The following ASTN2 variants were observed in gnomAD, a reference collection of about 807,000 sequenced individuals.
ASTN2 encodes the protein astrotactin-2.
In ASTN2, 54 loss-of-function variants were observed where a neutral mutation model predicts 139.8. The ratio of observed to expected loss-of-function variants is 0.39; its 90% CI spans 0.31 to 0.48. The LOEUF (loss-of-function observed/expected upper bound fraction) is 0.48. ASTN2 is among the 20% of genes least tolerant of loss of function. The pLI is 0.95. For synonymous variants in ASTN2, 756 were observed against 719.5 expected, an observed-to-expected ratio of 1.05 and a Z score of -0.81; for missense variants, 1,565 against 1,725.1, an observed-to-expected ratio of 0.91 and a Z score of 1.64.
chr9:116,565,447 A>G (rs1853182594), intron 19 of ASTN2, among the ~76,000 whole-genome samples: 1 of 105,038 alleles, frequency 9.5e-6, no homozygotes, highest in Non-Finnish European at 1.9e-5. Flanking sequence ...ATTTATTTTG[A>G]GACAGTGTCT....
At chr9:117,228,726 G>C (rs1832792996) in intron 2 of ASTN2, among the ~76,000 whole-genome samples, 1 of 152,016 alleles carries the variant, frequency 6.6e-6, no homozygotes, top group Non-Finnish European at 1.5e-5. Flanking sequence ...TAAAGACGTG[G>C]AGTTCAGGCC....
chr9:116,922,686 T>G (rs926975500), intron 10 of ASTN2, among the ~76,000 whole-genome samples: 1 of 152,000 alleles, frequency 6.6e-6, no homozygotes, highest in Non-Finnish European at 1.5e-5. Flanking sequence ...TGAATTGATA[T>G]GGAGACATCT....
At chr9:117,056,681 G>A (rs1167296558) in intron 5 of ASTN2, among the ~76,000 whole-genome samples, 1 of 152,188 alleles carries the variant, frequency 6.6e-6, no homozygotes, top group Admixed American at 6.5e-5. Flanking sequence ...CTTTACCAAG[G>A]CACCTCTCCC....
chr9:116,735,495 A>G (rs1828903600), intron 13 of ASTN2, among the ~76,000 whole-genome samples: 1 of 152,184 alleles, frequency 6.6e-6, no homozygotes, highest in Non-Finnish European at 1.5e-5. Flanking sequence ...TGCCCTAGTC[A>G]TTCAACCAGC....
chr9:116,520,765 C>CA (rs1317018691), intron 19 of ASTN2, among the ~76,000 whole-genome samples: 1 of 152,028 alleles, frequency 6.6e-6, no homozygotes, highest in Non-Finnish European at 1.5e-5. Context: ...AAGACTCATC[C>CA]AAAAAGCTCC....
chr9:117,062,666 C>T (rs1465247952), intron 5 of ASTN2, among the ~76,000 whole-genome samples: 1 of 152,114 alleles, frequency 6.6e-6, no homozygotes, highest in African/African-American at 2.4e-5. Context: ...GGTGCTGATG[C>T]CTTCAGAGCA....
At chr9:116,532,674 A>T (rs1224952295) in intron 19 of ASTN2, among the ~76,000 whole-genome samples, 2 of 151,960 alleles carry the variant, frequency 1.3e-5, no homozygotes, top group Admixed American at 6.5e-5. Context: ...ATAGTTGTAG[A>T]TGTGTGGTAT....
At chr9:116,449,210 A>T (rs979945684) in intron 20 of ASTN2, among the ~76,000 whole-genome samples, 1 of 152,156 alleles carries the variant, frequency 6.6e-6, no homozygotes, top group Non-Finnish European at 1.5e-5. Flanking sequence ...GTTCAAAACC[A>T]GTCTGGGCAA....
intron 10 of ASTN2, among the ~76,000 whole-genome samples, chr9:116,967,573 T>G (rs538665086): frequency 4.7e-4 from 71 of 152,326 alleles, no homozygotes; most frequent in Middle Eastern, 3.4e-3. Flanking sequence ...CTAGGTTGCC[T>G]ACAATGTGTG....
intron 1 of ASTN2, among the ~76,000 whole-genome samples, chr9:117,394,797 T>C (rs980302753): frequency 1.3e-5 from 2 of 151,714 alleles, no homozygotes; most frequent in African/African-American, 4.8e-5. Flanking sequence ...GCGGGTTGGG[T>C]CCTTATGCAG....
intron 19 of ASTN2, among the ~76,000 whole-genome samples, chr9:116,499,646 C>T (rs1849789739): frequency 6.6e-6 from 1 of 152,160 alleles, no homozygotes; most frequent in Admixed American, 6.6e-5. Flanking sequence ...AGTGCCTAGG[C>T]TTATGCAGAA....
chr9:116,910,253 A>G (rs1015138881), intron 10 of ASTN2, among the ~76,000 whole-genome samples: 3 of 152,240 alleles, frequency 2.0e-5, no homozygotes, highest in Non-Finnish European at 4.4e-5. Flanking sequence ...AATCGACAGC[A>G]CTTTAAAGAT....
chr9:117,031,624 C>G (rs1477785695), intron 6 of ASTN2, among the ~76,000 whole-genome samples: 3 of 151,906 alleles, frequency 2.0e-5, no homozygotes, highest in Non-Finnish European at 2.9e-5. Flanking sequence ...AGAAAAAAAG[C>G]AGGGCTCAAG....
chr9:116,625,990 GTTTTTTT>G (rs1856433631), intron 17 of ASTN2, among the ~76,000 whole-genome samples: 1 of 151,338 alleles, frequency 6.6e-6, no homozygotes, highest in South Asian at 2.1e-4. Context: ...TGTGTTTTTT[GTTTTTTT>G]GAGACAGAGT....
chr9:117,241,924 A>ACC (rs373435287), intron 2 of ASTN2, among the ~76,000 whole-genome samples: 102 of 128,194 alleles, frequency 8.0e-4, no homozygotes, highest in African/African-American at 2.1e-3. Flanking sequence ...CGTGCAAGTT[A>ACC]CCCCCCCCCA....
intron 13 of ASTN2, among the ~76,000 whole-genome samples, chr9:116,757,560 G>A (rs1331545199): frequency 2.0e-5 from 3 of 152,194 alleles, no homozygotes; most frequent in Admixed American, 1.3e-4. Context: ...TTCATGGTGA[G>A]ACACAATGTC....
At chr9:116,509,677 T>C (rs1429239142) in intron 19 of ASTN2, among the ~76,000 whole-genome samples, 5 of 149,962 alleles carry the variant, frequency 3.3e-5, no homozygotes, top group Non-Finnish European at 3.0e-5. Flanking sequence ...CCTGTTGTTT[T>C]CTGACTTTTT....
chr9:116,811,417 A>C (rs1480340365), intron 12 of ASTN2, among the ~76,000 whole-genome samples: 2 of 152,234 alleles, frequency 1.3e-5, no homozygotes, highest in African/African-American at 2.4e-5. Context: ...ATATTTAAAA[A>C]TATAATTCCA....
chr9:116,898,549 C>T (rs1833933392), intron 10 of ASTN2, among the ~76,000 whole-genome samples: 1 of 152,306 alleles, frequency 6.6e-6, no homozygotes, highest in Non-Finnish European at 1.5e-5. Context: ...GCCGAGTGAC[C>T]ACAGGGCAAC....
Sources: gnomAD v4.1 joint callset for allele counts (sites outside exome capture counted in the v4.1 genomes callset) on GRCh38, gnomAD v4.1.1 for gene constraint, MANE v1.5 for transcripts, NCBI Gene and HGNC (gene_info 2026-07-23, HGNC 2026-07-21) for gene names.